FRMD5: variants seen among roughly 807,000 people sequenced by gnomAD.
FRMD5 encodes the protein FERM domain containing 5, also known as FERM domain-containing protein 5.
In FRMD5, 20 loss-of-function variants were observed where a neutral mutation model predicts 69.0. The ratio of observed to expected loss-of-function variants is 0.29; its 90% CI spans 0.20 to 0.42. The LOEUF (loss-of-function observed/expected upper bound fraction) is 0.42, where lower values mean the gene tolerates loss of function less well. Among genes scored for constraint, FRMD5 ranks in the 10% least tolerant of loss-of-function variants. FRMD5 has a pLI of 1.00. For synonymous variants in FRMD5, 271 were observed against 260.1 expected, an observed-to-expected ratio of 1.04 and a Z score of -0.40; for missense variants, 595 against 708.6, an observed-to-expected ratio of 0.84 and a Z score of 1.82.
chr15:43,919,383 C>T lies in FRMD5; in HGVS notation c.329+76G>A. ...GAGTTAGGCGCTTCCAAATGAGAGG[C>T]TCTAAGAGGTCACCATCCCCCTTTC... On this transcript the variant is annotated intron_variant, in intron 4 of 13. Coordinates refer to ENST00000417257, the MANE Select transcript of FRMD5 (RefSeq NM_032892.5). 2.4e-6 allele frequency: 3 copies of T among 1,242,228 alleles called. No homozygotes were observed. In the East Asian group the frequency reaches 7.0e-5, roughly 29 times the overall value. 77.0% of individuals were successfully genotyped at this position (1,242,228 alleles called of 1,614,324 possible).
At chr15:43,996,199 A>C (rs1005405284) in intron 1 of FRMD5, among the ~76,000 whole-genome samples, 9 of 151,448 alleles carry the variant, frequency 5.9e-5, no homozygotes, top group Non-Finnish European at 1.0e-4. Context: ...TCCACTGAGC[A>C]GGCCTGGAGC....
chr15:44,014,968 T>C (rs1890890861), intron 1 of FRMD5, among the ~76,000 whole-genome samples: 1 of 152,180 alleles, frequency 6.6e-6, no homozygotes, highest in Non-Finnish European at 1.5e-5. Context: ...AAGGTGGGTA[T>C]GGTTTATTAA....
Position 44,160,703 on chromosome 15 carries a change from C to T in FRMD5, c.102+34250G>A, listed in dbSNP as rs1188970147. On this transcript the variant is annotated intron_variant, in intron 1 of 13. Coordinates refer to ENST00000417257, the MANE Select transcript of FRMD5 (RefSeq NM_032892.5). ...GTTGGATGCTTAAGTTTGAAGAAAG[C>T]TTTTCAAGCTAATTTTAAAAATTAA... Among the ~76,000 whole-genome samples the T allele has an allele frequency of 2.0e-5, 3 of 152,174 alleles. No individual in the cohort carries two copies. In the South Asian group the frequency reaches 6.2e-4, roughly 32 times the overall value.
chr15:44,071,212 T>C (rs940489001), intron 1 of FRMD5, among the ~76,000 whole-genome samples: 2 of 152,190 alleles, frequency 1.3e-5, no homozygotes, highest in South Asian at 2.1e-4. Flanking sequence ...CCACATCCAC[T>C]TGGTGCCTTC....
chr15:43,879,656 C>G, intron 13 of FRMD5: 1 of 399,092 alleles, frequency 2.5e-6, no homozygotes, highest in Non-Finnish European at 4.4e-6. Flanking sequence ...GAATCTTAAT[C>G]AGACTCTTCC....
chr15:43,938,414 C>T (rs942636428), intron 1 of FRMD5, among the ~76,000 whole-genome samples: 8 of 152,182 alleles, frequency 5.3e-5, no homozygotes, highest in Non-Finnish European at 7.4e-5. Flanking sequence ...CTCAAATCCA[C>T]GCTGCCTTGC....
At chr15:43,960,674 G>A (rs922514343) in intron 1 of FRMD5, among the ~76,000 whole-genome samples, 2 of 152,206 alleles carry the variant, frequency 1.3e-5, no homozygotes, top group Admixed American at 6.5e-5. Context: ...GTGAGCCACC[G>A]TGCCTGGTCT....
At chr15:44,039,408 T>C (rs1595658554) in intron 1 of FRMD5, among the ~76,000 whole-genome samples, 1 of 152,094 alleles carries the variant, frequency 6.6e-6, no homozygotes, top group Non-Finnish European at 1.5e-5. Flanking sequence ...CCAACAGACA[T>C]CTCATATAGG....
At chr15:44,150,184 T>C (rs1311968244) in intron 1 of FRMD5, among the ~76,000 whole-genome samples, 3 of 151,976 alleles carry the variant, frequency 2.0e-5, no homozygotes, top group Non-Finnish European at 4.4e-5. Context: ...ATATGAAAAA[T>C]CCACAGCAAA....
chr15:44,120,178 A>G (rs2076926865), intron 1 of FRMD5, among the ~76,000 whole-genome samples: 1 of 152,162 alleles, frequency 6.6e-6, no homozygotes, highest in Non-Finnish European at 1.5e-5. Flanking sequence ...ATGGAACATT[A>G]AAGTATCCCA....
chr15:44,056,117 T>C (rs1374923632), intron 1 of FRMD5, among the ~76,000 whole-genome samples: 1 of 152,240 alleles, frequency 6.6e-6, no homozygotes, highest in Non-Finnish European at 1.5e-5. Flanking sequence ...ACTGAAGAAC[T>C]TAAAGCTTTA....
chr15:43,893,771 T>C (rs2088851352), intron 7 of FRMD5, among the ~76,000 whole-genome samples: 1 of 152,102 alleles, frequency 6.6e-6, no homozygotes, highest in Admixed American at 6.6e-5. Context: ...AGGGCTCACC[T>C]CCCTGACACA....
At chr15:43,997,946 C>G (rs1890014994) in intron 1 of FRMD5, among the ~76,000 whole-genome samples, 1 of 151,858 alleles carries the variant, frequency 6.6e-6, no homozygotes, top group South Asian at 2.1e-4. Context: ...TTTTTCCTGT[C>G]TTAAAAAAAG....
intron 1 of FRMD5, among the ~76,000 whole-genome samples, chr15:43,938,314 A>C (rs1595537846): frequency 6.6e-6 from 1 of 152,068 alleles, no homozygotes; most frequent in Non-Finnish European, 1.5e-5. Context: ...TCTCACAAGG[A>C]AAGTTTCTAT....
chr15:44,133,531 G>A (rs1182844579), intron 1 of FRMD5, among the ~76,000 whole-genome samples: 3 of 142,506 alleles, frequency 2.1e-5, no homozygotes, highest in Admixed American at 1.5e-4. Context: ...AGCTGAGATC[G>A]CACCACTGCA....
At chr15:44,169,771 A>G (rs1209893819) in intron 1 of FRMD5, among the ~76,000 whole-genome samples, 6 of 152,200 alleles carry the variant, frequency 3.9e-5, no homozygotes, top group Non-Finnish European at 4.4e-5. Flanking sequence ...AGAATATAAA[A>G]TTCAGTTAGA....
At chr15:44,124,904 G>C (rs527961875) in intron 1 of FRMD5, among the ~76,000 whole-genome samples, 12 of 152,196 alleles carry the variant, frequency 7.9e-5, no homozygotes, top group East Asian at 5.8e-4. Flanking sequence ...CGGGAAGATC[G>C]CTTGAGCCCA....
intron 1 of FRMD5, among the ~76,000 whole-genome samples, chr15:44,142,838 C>T (rs2077293450): frequency 6.6e-6 from 1 of 152,190 alleles, no homozygotes; most frequent in Non-Finnish European, 1.5e-5. Flanking sequence ...CACCTGTAAT[C>T]CCAGCACTTT....
chr15:43,888,716 T>G (rs2088722662), intron 9 of FRMD5, 93 bp downstream of exon 9: 1 of 1,021,052 alleles, frequency 9.8e-7, no homozygotes, highest in Non-Finnish European at 1.5e-6. Context: ...GTGGGTAGCT[T>G]GGCTCTACTG....
Sources: gnomAD v4.1 joint callset for allele counts (sites outside exome capture counted in the v4.1 genomes callset) on GRCh38, gnomAD v4.1.1 for gene constraint, MANE v1.5 for transcripts, NCBI Gene and HGNC (gene_info 2026-07-23, HGNC 2026-07-21) for gene names.